CLEC16A: variants seen among roughly 807,000 people sequenced by gnomAD.
CLEC16A encodes C-type lectin domain containing 16A, also known as protein CLEC16A.
Under a neutral mutation model 109.5 loss-of-function variants are expected in CLEC16A, and 51 were observed. The observed-to-expected ratio is 0.47, with a 90% CI of 0.37 to 0.59. CLEC16A has a LOEUF of 0.59. Among genes scored for constraint, CLEC16A ranks in the 20% least tolerant of loss-of-function variants. CLEC16A has a pLI of 0.00. For missense variants in CLEC16A, 1,339 were observed against 1,394.0 expected, an observed-to-expected ratio of 0.96 and a Z score of 0.63; for synonymous variants, 673 against 564.2, an observed-to-expected ratio of 1.19 and a Z score of -2.73.
intron 9 of CLEC16A, among the ~76,000 whole-genome samples, chr16:10,979,790 A>G (rs1374457257): frequency 5.3e-5 from 8 of 152,098 alleles, no homozygotes; most frequent in Non-Finnish European, 1.5e-5. Context: ...TGGTGTAACA[A>G]ACTTCCTGAA....
At chr16:11,154,448 T>A (rs191369352) in intron 22 of CLEC16A, among the ~76,000 whole-genome samples, 2 of 152,364 alleles carry the variant, frequency 1.3e-5, no homozygotes, top group African/African-American at 4.8e-5. Context: ...ATAAATCCTT[T>A]AAACCTAGAT....
chr16:11,101,488 G>A (rs1213920103), intron 19 of CLEC16A, among the ~76,000 whole-genome samples: 4 of 152,212 alleles, frequency 2.6e-5, no homozygotes, highest in Non-Finnish European at 5.9e-5. Context: ...CACTCTGCGT[G>A]TCTTGTTCAT....
At chr16:11,062,616 G>A (rs575088480) in intron 19 of CLEC16A, among the ~76,000 whole-genome samples, 7 of 152,172 alleles carry the variant, frequency 4.6e-5, no homozygotes, top group Admixed American at 1.3e-4. Context: ...ATAGCATGCC[G>A]CCTGACACGT....
At chr16:11,085,299 A>G (rs1305506959) in intron 19 of CLEC16A, among the ~76,000 whole-genome samples, 1 of 152,262 alleles carries the variant, frequency 6.6e-6, no homozygotes, top group Non-Finnish European at 1.5e-5. Context: ...GGATGGTCAG[A>G]GGGCACATCT....
chr16:11,147,980 GA>G (rs919975375), intron 22 of CLEC16A, among the ~76,000 whole-genome samples: 2 of 152,016 alleles, frequency 1.3e-5, no homozygotes, highest in Non-Finnish European at 2.9e-5. Context: ...TTGACTTTGA[GA>G]AAAAAACTCT....
intron 22 of CLEC16A, among the ~76,000 whole-genome samples, chr16:11,154,785 G>C (rs1477298798): frequency 6.6e-6 from 1 of 152,112 alleles, no homozygotes; most frequent in Non-Finnish European, 1.5e-5. Context: ...AAATTAGACA[G>C]GTGTGGTGGC....
chr16:11,081,422 G>A (rs13331977), intron 19 of CLEC16A, among the ~76,000 whole-genome samples: 152 of 152,228 alleles, frequency 1.0e-3, no homozygotes, highest in African/African-American at 3.1e-3. Context: ...CTTCTTGCCC[G>A]TCTTCTCCAT....
intron 22 of CLEC16A, among the ~76,000 whole-genome samples, chr16:11,143,273 G>T (rs569928735): frequency 6.6e-6 from 1 of 152,324 alleles, no homozygotes; most frequent in East Asian, 1.9e-4. Flanking sequence ...GTCTAGTAGG[G>T]ATGGGGAAGA....
In CLEC16A at chr16:11,085,145, G is replaced by A. The variant is rs141448960; in HGVS notation, c.2116+24123G>A. On this transcript the variant is annotated intron_variant, in intron 19 of 23. Coordinates refer to ENST00000409790, the MANE Select transcript of CLEC16A (RefSeq NM_015226.3). ...AGGCACCTCTGTGCCACCCTTCTCG[G>A]CCAGCACCAAGCACTGGACTCATTT... Among the ~76,000 whole-genome samples, 14 of 152,344 alleles carry A rather than the reference G, an allele frequency of 9.2e-5. No homozygotes were observed. The East Asian group carries it at 2.7e-3, about 29-fold the overall frequency.
intron 22 of CLEC16A, among the ~76,000 whole-genome samples, chr16:11,133,338 C>CAA (rs577277748): frequency 9.4e-5 from 12 of 127,554 alleles, no homozygotes; most frequent in Admixed American, 6.4e-4. Flanking sequence ...GACTCTGTCT[C>CAA]AAAAAAAAAA....
Position 11,154,982 on chromosome 16 carries a change from G to T in CLEC16A, c.2642-11406G>T, listed in dbSNP as rs184666942. ...TACAAAAAACAGAAAAATTACCCAG[G>T]TGTGGTGGTGTGCACCTGTAGTCCC... On this transcript the variant is annotated intron_variant, in intron 22 of 23. Coordinates refer to ENST00000409790, the MANE Select transcript of CLEC16A (RefSeq NM_015226.3). Among the ~76,000 whole-genome samples the T allele has an allele frequency of 7.2e-3, 1,094 of 152,198 alleles. 5 individuals are homozygous for T. Among genetic ancestry groups the T allele is most frequent in the Non-Finnish European group, 0.012 (784 of 68,000 alleles).
chr16:11,027,082 G>A (rs1405502290), intron 13 of CLEC16A: 2 of 1,546,950 alleles, frequency 1.3e-6, no homozygotes, highest in Non-Finnish European at 1.8e-6. Flanking sequence ...CTGAAAAAGA[G>A]GAAGGCTTAT....
chr16:11,139,657 C>A (rs1350885448), intron 22 of CLEC16A, among the ~76,000 whole-genome samples: 1 of 152,210 alleles, frequency 6.6e-6, no homozygotes, highest in Non-Finnish European at 1.5e-5. Context: ...TGAGCTCAGT[C>A]CTTGAAAGTC....
At chr16:10,964,236 G>A (rs992606247) in intron 3 of CLEC16A, among the ~76,000 whole-genome samples, 17 of 152,208 alleles carry the variant, frequency 1.1e-4, no homozygotes, top group Admixed American at 9.8e-4. Context: ...TATGCTTCCC[G>A]GTGACCGCAA....
intron 23 of CLEC16A, among the ~76,000 whole-genome samples, chr16:11,177,808 G>T (rs1311542560): frequency 1.3e-5 from 2 of 151,702 alleles, no homozygotes; most frequent in African/African-American, 4.8e-5. Flanking sequence ...GACAGGCCAA[G>T]GTTTTGTTTT....
At position 11,000,181 on chromosome 16, in the gene CLEC16A, GC is replaced by G. The variant is rs1269099389; in HGVS notation, c.1072-2891del. Reference sequence around the variant, plus strand: ...CCATGGGTTCCTTTGGTTCTAGGGGGCCAGAATTACTCTCCATGTTTTAGAA... The same window carrying G: ...CCATGGGTTCCTTTGGTTCTAGGGGGCAGAATTACTCTCCATGTTTTAGAA... On this transcript the variant is annotated intron_variant, in intron 10 of 23. Coordinates refer to ENST00000409790, the MANE Select transcript of CLEC16A (RefSeq NM_015226.3). Among the ~76,000 whole-genome samples, 40 of 152,246 alleles carry G rather than the reference GC, an allele frequency of 2.6e-4. 1 individual carries two copies. The Middle Eastern group carries it at 0.01, about 39-fold the overall frequency.
intron 19 of CLEC16A, among the ~76,000 whole-genome samples, chr16:11,118,766 C>T (rs1368358730): frequency 1.3e-5 from 2 of 152,104 alleles, no homozygotes; most frequent in Non-Finnish European, 2.9e-5. Context: ...TTTTATAGTT[C>T]TGGGTCTTAC....
At chr16:11,063,016 G>A (rs2048569855) in intron 19 of CLEC16A, among the ~76,000 whole-genome samples, 1 of 152,042 alleles carries the variant, frequency 6.6e-6, no homozygotes, top group Non-Finnish European at 1.5e-5. Flanking sequence ...CCCTAGGAAT[G>A]GCCTGCTGGA....
intron 22 of CLEC16A, among the ~76,000 whole-genome samples, chr16:11,130,564 A>G (rs956262514): frequency 6.6e-6 from 1 of 152,232 alleles, no homozygotes; most frequent in Non-Finnish European, 1.5e-5. Flanking sequence ...GCCACAGAGT[A>G]GTGACACGGG....
Sources: allele counts gnomAD v4.1 joint callset (sites outside exome capture counted in the v4.1 genomes callset), GRCh38; gene constraint gnomAD v4.1.1; transcripts MANE v1.5; gene names NCBI Gene and HGNC (gene_info 2026-07-23, HGNC 2026-07-21).